The following CNTNAP2 variants were observed in gnomAD, a reference collection of about 807,000 sequenced individuals.
CNTNAP2 encodes the protein contactin associated protein 2, also known as contactin-associated protein-like 2.
CNTNAP2 carries 98 observed loss-of-function variants against 155.2 expected under a neutral mutation model. That is an observed-to-expected ratio of 0.63 (90% confidence interval 0.54 to 0.75). CNTNAP2 has a LOEUF of 0.75. Ranked by LOEUF, CNTNAP2 falls within the 30% of genes least tolerant of loss-of-function variation. The pLI, the probability that CNTNAP2 is intolerant of heterozygous loss-of-function variation, is 0.00. For synonymous variants in CNTNAP2, 651 were observed against 631.2 expected (o/e 1.03, Z -0.47); for missense variants, 1,727 against 1,688.1 (o/e 1.02, Z -0.40).
At chr7:146,219,012 C>T (rs1420207380) in intron 1 of CNTNAP2, among the ~76,000 whole-genome samples, 1 of 152,140 alleles carries the variant, frequency 6.6e-6, no homozygotes, top group Non-Finnish European at 1.5e-5. Flanking sequence ...CTCACAGGTC[C>T]ACATGGTTGG....
intron 6 of CNTNAP2, 30 bp from the exon 7 acceptor site, chr7:147,128,663 A>G (rs1801286378): frequency 6.2e-7 from 1 of 1,613,214 alleles, no homozygotes; most frequent in African/African-American, 1.3e-5. Context: ...TACAATGTGG[A>G]CGTTTACATT....
intron 21 of CNTNAP2, among the ~76,000 whole-genome samples, chr7:148,355,476 A>C (rs1402416811): frequency 1.3e-5 from 2 of 152,104 alleles, no homozygotes; most frequent in Non-Finnish European, 2.9e-5. Flanking sequence ...CCAAACACTT[A>C]ATGTCTGTTA....
At chr7:146,131,616 C>A (rs1020440681) in intron 1 of CNTNAP2, among the ~76,000 whole-genome samples, 21 of 152,126 alleles carry the variant, frequency 1.4e-4, no homozygotes, top group African/African-American at 4.8e-4. Context: ...TATTATAGGT[C>A]TTGCTTTATA....
intron 13 of CNTNAP2, among the ~76,000 whole-genome samples, chr7:147,832,349 T>C (rs1798563724): frequency 6.8e-6 from 1 of 146,524 alleles, no homozygotes; most frequent in Admixed American, 6.9e-5. Flanking sequence ...CATATATCTA[T>C]ATACATAATA....
At chr7:147,647,146 C>G (rs919815807) in intron 13 of CNTNAP2, among the ~76,000 whole-genome samples, 1 of 151,526 alleles carries the variant, frequency 6.6e-6, no homozygotes, top group Non-Finnish European at 1.5e-5. Context: ...TGCTGCCACG[C>G]CCAGCTAATT....
chr7:146,550,401 GTT>G (rs10673467), intron 1 of CNTNAP2, among the ~76,000 whole-genome samples: 83 of 54,364 alleles, frequency 1.5e-3, no homozygotes, highest in South Asian at 5.7e-3. Flanking sequence ...CCATTAATCT[GTT>G]TTTTTTTTTT....
chr7:148,253,862 G>A (rs150596758), intron 20 of CNTNAP2, among the ~76,000 whole-genome samples: 24 of 152,196 alleles, frequency 1.6e-4, no homozygotes, highest in African/African-American at 5.1e-4. Context: ...TCGGGGTATC[G>A]GTTTCAGGAC....
At chr7:146,693,942 G>A (rs1800740950) in intron 1 of CNTNAP2, among the ~76,000 whole-genome samples, 1 of 151,352 alleles carries the variant, frequency 6.6e-6, no homozygotes, top group South Asian at 2.1e-4. Context: ...GTGCCCATGC[G>A]TTTTCATTGT....
chr7:147,138,463 T>G (rs908512175), intron 8 of CNTNAP2, among the ~76,000 whole-genome samples: 2 of 151,986 alleles, frequency 1.3e-5, no homozygotes, highest in Non-Finnish European at 2.9e-5. Context: ...AAAAGGCATT[T>G]GAGTCAATGG....
At chr7:146,141,198 C>G (rs1797877007) in intron 1 of CNTNAP2, among the ~76,000 whole-genome samples, 1 of 152,198 alleles carries the variant, frequency 6.6e-6, no homozygotes, top group South Asian at 2.1e-4. Flanking sequence ...GCACAAAGGG[C>G]ACCTGTGTGT....
At chr7:146,814,841 A>G (rs1803133720) in intron 2 of CNTNAP2, among the ~76,000 whole-genome samples, 2 of 152,206 alleles carry the variant, frequency 1.3e-5, no homozygotes, top group African/African-American at 4.8e-5. Context: ...TGGTATGATC[A>G]AATTGATTCC....
intron 13 of CNTNAP2, among the ~76,000 whole-genome samples, chr7:147,724,025 C>G (rs748988218): frequency 6.6e-6 from 1 of 151,890 alleles, no homozygotes; most frequent in Non-Finnish European, 1.5e-5. Flanking sequence ...CCTACACTTT[C>G]ATTTCTTCAT....
At chr7:146,726,673 A>G (rs1368382270) in intron 1 of CNTNAP2, among the ~76,000 whole-genome samples, 1 of 152,182 alleles carries the variant, frequency 6.6e-6, no homozygotes, top group Non-Finnish European at 1.5e-5. Context: ...TTAGATTATT[A>G]CTATTCTTAA....
chr7:147,876,973 A>G (rs1799431038), intron 13 of CNTNAP2, among the ~76,000 whole-genome samples: 1 of 151,904 alleles, frequency 6.6e-6, no homozygotes, highest in Non-Finnish European at 1.5e-5. Context: ...TTTGTTGTGG[A>G]TTGGGTGGTG....
At chr7:147,499,468 G>A (rs1214017080) in intron 11 of CNTNAP2, among the ~76,000 whole-genome samples, 1 of 152,118 alleles carries the variant, frequency 6.6e-6, no homozygotes, top group African/African-American at 2.4e-5. Context: ...GGCAGAGCTT[G>A]CAGTGAGCCA....
In CNTNAP2 at chr7:148,270,569, A is replaced by G. The variant is rs75758557; in HGVS notation, c.3475+3443A>G. 7.2e-3 allele frequency among the ~76,000 whole-genome samples: 1,093 copies of G among 152,370 alleles called. 4 individuals carry two copies. Among genetic ancestry groups the G allele is most frequent in the Non-Finnish European group, 0.011 (781 of 68,032 alleles). On this transcript the variant is annotated intron_variant, in intron 21 of 23. Transcript: ENST00000361727. ...ATATACTAACAAGGAGCAAGTGCTC[A>G]ATAAATATTTGTTGAATTAATAAAG...
At chr7:147,681,915 T>C (rs1340382008) in intron 13 of CNTNAP2, among the ~76,000 whole-genome samples, 1 of 151,740 alleles carries the variant, frequency 6.6e-6, no homozygotes, top group African/African-American at 2.4e-5. Context: ...GTGTCACCCA[T>C]GGATAAAGGG....
chr7:146,820,933 T>C (rs1403180469), intron 2 of CNTNAP2, among the ~76,000 whole-genome samples: 3 of 152,176 alleles, frequency 2.0e-5, no homozygotes, highest in Non-Finnish European at 4.4e-5. Context: ...CTTCTTTGTC[T>C]CTTTTGATCT....
intron 13 of CNTNAP2, among the ~76,000 whole-genome samples, chr7:147,669,165 A>G (rs1332667439): frequency 6.6e-6 from 1 of 152,184 alleles, no homozygotes; most frequent in East Asian, 1.9e-4. Flanking sequence ...TATGATGTCC[A>G]TACAAAGATG....
Sources: gnomAD v4.1 joint callset for allele counts (sites outside exome capture counted in the v4.1 genomes callset) on GRCh38, gnomAD v4.1.1 for gene constraint, MANE v1.5 for transcripts, NCBI Gene and HGNC (gene_info 2026-07-23, HGNC 2026-07-21) for gene names.